Variants in PRKCZ observed in about 807,000 individuals in gnomAD.
PRKCZ encodes the protein protein kinase C zeta.
Under a neutral mutation model 79.5 loss-of-function variants are expected in PRKCZ, and 33 were observed. That is an observed-to-expected ratio of 0.41 (90% CI 0.31 to 0.55). PRKCZ has a LOEUF of 0.55. Ranked by LOEUF, PRKCZ falls within the 20% of genes least tolerant of loss-of-function variation. The pLI is 0.19. For missense variants in PRKCZ, 578 were observed against 813.5 expected (o/e 0.71, Z 3.52); for synonymous variants, 342 against 320.9 (o/e 1.07, Z -0.70).
At position 2,168,333 on chromosome 1, in the gene PRKCZ, A is replaced by G. The variant is rs147701172; in HGVS notation, c.975-1185A>G. On this transcript the variant is annotated intron_variant, in intron 10 of 17. Coordinates refer to ENST00000378567, the MANE Select transcript of PRKCZ (RefSeq NM_002744.6). This position sits in a 1 kb window ranked among gnomAD's most constrained non-coding sequence, Gnocchi z 4.7. ...AGTCCCCAAGGACAAGGGCCAGGTT[A>G]CCAGAGAATTTCCAGGCACATCCGT... Among the ~76,000 whole-genome samples, 4 of 152,286 alleles carry G rather than the reference A, an allele frequency of 2.6e-5. No individual in the cohort carries two copies. In the East Asian group the frequency reaches 5.8e-4, roughly 22 times the overall value.
intron 16 of PRKCZ, chr1:2,181,958 G>T: frequency 2.3e-6 from 1 of 429,686 alleles, no homozygotes; most frequent in Non-Finnish European, 4.7e-6. Flanking sequence ...CCCTCCCTCC[G>T]GCTCCTCCCC....
intron 6 of PRKCZ, 43 bp downstream of exon 6, chr1:2,144,384 T>G (rs951663298): frequency 6.5e-7 from 1 of 1,544,576 alleles, no homozygotes; most frequent in South Asian, 1.2e-5. Context: ...ACGGGCGGGG[T>G]CGGGGCGTGG....
At chr1:2,170,122 C>T (rs898816050) in intron 11 of PRKCZ, among the ~76,000 whole-genome samples, 3 of 152,138 alleles carry the variant, frequency 2.0e-5, no homozygotes, top group African/African-American at 4.8e-5. Flanking sequence ...GTTAGTGGCA[C>T]AGCATGGCCA....
chr1:2,143,886 C>T (rs1437448773), intron 5 of PRKCZ: 6 of 271,464 alleles, frequency 2.2e-5, no homozygotes, highest in Admixed American at 1.9e-4. Flanking sequence ...AGCTGCAGCC[C>T]CCCAGCCCCT....
intron 6 of PRKCZ, 164 bp downstream of exon 6, chr1:2,144,505 T>G: frequency 7.0e-7 from 1 of 1,435,948 alleles, no homozygotes; most frequent in Non-Finnish European, 9.1e-7. Flanking sequence ...CAGTCTTGGA[T>G]AGGACCCATC....
intron 1 of PRKCZ, among the ~76,000 whole-genome samples, chr1:2,054,830 C>T (rs1027608926): frequency 4.6e-5 from 7 of 152,216 alleles, no homozygotes; most frequent in Non-Finnish European, 7.4e-5. Flanking sequence ...GACCAGGTAA[C>T]GTTGCCGGAC....
intron 3 of PRKCZ, among the ~76,000 whole-genome samples, chr1:2,057,453 A>G (rs188413568): frequency 6.6e-6 from 1 of 152,322 alleles, no homozygotes; most frequent in African/African-American, 2.4e-5. Flanking sequence ...TGAGTCCAAG[A>G]TGGGACCAAA....
rs923819250 is a variant in PRKCZ, at chr1:2,165,644, T to G, written c.975-3874T>G. Among the ~76,000 whole-genome samples the G allele has an allele frequency of 1.3e-5, 2 of 152,224 alleles. No individual in the cohort carries two copies. Among genetic ancestry groups the G allele is most frequent in the Non-Finnish European group, 2.9e-5 (2 of 68,042 alleles). On this transcript the variant is annotated intron_variant, in intron 10 of 17. Coordinates refer to ENST00000378567, the MANE Select transcript of PRKCZ (RefSeq NM_002744.6). The surrounding 1 kb of genome is among the most constrained non-coding windows in gnomAD (Gnocchi z 4.1). ...TATGCGTTCTAAAACAGAAGCAGCC[T>G]TAGACACTGCGTGAAGGGACGCGTG...
At chr1:2,156,586 C>T (rs1003000019) in intron 10 of PRKCZ, 3 of 166,796 alleles carry the variant, frequency 1.8e-5, no homozygotes, top group African/African-American at 7.2e-5. Flanking sequence ...ATTGAGTCCT[C>T]AAGACCATCC....
At chr1:2,167,806 TG>T (rs1271768311) in intron 10 of PRKCZ, among the ~76,000 whole-genome samples, 1 of 152,208 alleles carries the variant, frequency 6.6e-6, no homozygotes, top group Non-Finnish European at 1.5e-5. Flanking sequence ...GGTTTCACCA[TG>T]TTGGCCAGGA....
In PRKCZ at chr1:2,163,996, C is replaced by G. The variant is rs146651719; in HGVS notation, c.975-5522C>G. ...TTACGATTTTTACTCCTTAGGGCCT[C>G]CTGGAATGAATGGTGTCATCGTAAT... On this transcript the variant is annotated intron_variant, in intron 10 of 17. Coordinates refer to ENST00000378567, the MANE Select transcript of PRKCZ (RefSeq NM_002744.6). Among the ~76,000 whole-genome samples the G allele has an allele frequency of 2.6e-3, 400 of 152,246 alleles. 2 individuals are homozygous for G. The highest frequency in any genetic ancestry group is 9.1e-3 in the African/African-American group (380 of 41,548).
intron 4 of PRKCZ, among the ~76,000 whole-genome samples, chr1:2,121,687 C>T (rs375096658): frequency 0.062 from 131 of 2,124 alleles, 15 homozygotes; most frequent in African/African-American, 0.18. Flanking sequence ...GTTAGGGTCA[C>T]GGTGGTGGTT....
At chr1:2,084,204 C>T (rs888849039) in intron 4 of PRKCZ, among the ~76,000 whole-genome samples, 8 of 152,208 alleles carry the variant, frequency 5.3e-5, no homozygotes, top group African/African-American at 1.4e-4. Context: ...TGCACCACTG[C>T]ACTCCAGCCT....
rs1379446673 is a variant in PRKCZ at position 2,110,696 on chromosome 1, G to C, written c.335-24566G>C. 2.0e-5 allele frequency among the ~76,000 whole-genome samples: 3 copies of C among 152,000 alleles called. No homozygotes were observed. The East Asian group carries it at 5.8e-4, about 29-fold the overall frequency. On this transcript the variant is annotated intron_variant, in intron 4 of 17. Transcript: ENST00000378567. ...GTTTGGATCGGCCTTGGTGACTGTGGGCCTCTGCCTGAAACCCTGTGAGTG... is the reference window on the plus strand; with the variant it reads ...GTTTGGATCGGCCTTGGTGACTGTGCGCCTCTGCCTGAAACCCTGTGAGTG...
chr1:2,173,024 G>C lies in PRKCZ; in HGVS notation c.1285+636G>C, dbSNP rs568615764. 2.6e-5 allele frequency among the ~76,000 whole-genome samples: 4 copies of C among 152,232 alleles called. No homozygotes were observed. The highest frequency in any genetic ancestry group is 9.6e-5 in the African/African-American group (4 of 41,458). ...GTGCAGCCCTGTGTGCGTGTGTGCC[G>C]TTGGGCTGAGTGTTCGTGTGTCGGG... On this transcript the variant is annotated intron_variant, in intron 13 of 17. Coordinates refer to ENST00000378567, the MANE Select transcript of PRKCZ (RefSeq NM_002744.6). This position sits in a 1 kb window ranked among gnomAD's most constrained non-coding sequence, Gnocchi z 5.7.
intron 5 of PRKCZ, among the ~76,000 whole-genome samples, chr1:2,136,844 A>G (rs537574137): frequency 1.3e-5 from 2 of 152,264 alleles, no homozygotes; most frequent in South Asian, 4.1e-4. Flanking sequence ...AGCTTAAACA[A>G]TGGAAACTTG....
rs994213856 is a variant in PRKCZ, at chr1:2,172,498, C to G, written c.1285+110C>G. 8.4e-7 allele frequency: 1 copy of G among 1,188,162 alleles called. No homozygotes were observed. The allele number at this position is 1,188,162 out of a possible 1,614,324, so 73.6% of individuals were successfully genotyped here. A position where few individuals can be genotyped will look rare whatever the true frequency, so the allele number is the denominator to read the frequency against. On this transcript the variant is annotated intron_variant, in intron 13 of 17. Transcript: ENST00000378567. The surrounding 1 kb of genome is among the most constrained non-coding windows in gnomAD (Gnocchi z 7.8). ...CCTTGACCATCTTACACCCAAAAGC[C>G]ACACACTGTCTTTCCCAGCCGGATG...
chr1:2,124,350 CGGCGGTGGTT>C (rs1673408701), intron 4 of PRKCZ, among the ~76,000 whole-genome samples: 1 of 2,920 alleles, frequency 3.4e-4, no homozygotes, highest in Non-Finnish European at 8.0e-4. Context: ...GTTAGGGTCA[CGGCGGTGGTT>C]AGGGTCACGG....
At chr1:2,112,550 G>A (rs923041814) in intron 4 of PRKCZ, among the ~76,000 whole-genome samples, 2 of 152,172 alleles carry the variant, frequency 1.3e-5, no homozygotes, top group Non-Finnish European at 2.9e-5. Context: ...TGGAGCGGAG[G>A]TGAATGGGAC....
Sources: gnomAD v4.1 joint callset for allele counts (sites outside exome capture counted in the v4.1 genomes callset) on GRCh38, gnomAD v4.1.1 for gene constraint, Gnocchi (gnomAD v3.1) non-coding constraint, MANE v1.5 for transcripts, NCBI Gene and HGNC (gene_info 2026-07-23, HGNC 2026-07-21) for gene names.